The following PAX5 variants were observed in gnomAD, a reference collection of about 807,000 sequenced individuals.
PAX5 encodes the protein paired box 5, also known as paired box protein Pax-5.
In PAX5, 9 loss-of-function variants were observed where a neutral mutation model predicts 43.7. The ratio of observed to expected loss-of-function variants is 0.21; its 90% CI spans 0.12 to 0.36. PAX5 has a LOEUF of 0.36. Ranked by LOEUF, PAX5 falls within the 10% of genes least tolerant of loss-of-function variation. PAX5 has a pLI of 1.00. For missense variants in PAX5, 383 were observed against 532.7 expected, an observed-to-expected ratio of 0.72 and a Z score of 2.77; for synonymous variants, 228 against 214.3, an observed-to-expected ratio of 1.06 and a Z score of -0.56.
chr9:36,920,348 C>T (rs1351229939), intron 7 of PAX5, among the ~76,000 whole-genome samples: 2 of 152,118 alleles, frequency 1.3e-5, no homozygotes, highest in African/African-American at 4.8e-5. Context: ...ATTGATGCAG[C>T]AAACTTCATC....
chr9:36,873,366 A>C (rs1056867746), intron 8 of PAX5, among the ~76,000 whole-genome samples: 1 of 152,252 alleles, frequency 6.6e-6, no homozygotes, highest in African/African-American at 2.4e-5. Context: ...AGAATGAATG[A>C]ATGAACAAGT....
intron 6 of PAX5, among the ~76,000 whole-genome samples, chr9:36,928,476 G>C (rs181724024): frequency 2.0e-5 from 3 of 152,326 alleles, no homozygotes; most frequent in African/African-American, 4.8e-5. Flanking sequence ...ACCATGTAGA[G>C]TGGCTGTTTG....
chr9:36,979,055 C>T (rs1354600630), intron 5 of PAX5, among the ~76,000 whole-genome samples: 2 of 152,214 alleles, frequency 1.3e-5, no homozygotes, highest in East Asian at 3.8e-4. Flanking sequence ...TCCACTGTCT[C>T]TGATAGAATT....
intron 4 of PAX5, among the ~76,000 whole-genome samples, chr9:37,006,263 T>C (rs1838380465): frequency 6.6e-6 from 1 of 152,188 alleles, no homozygotes; most frequent in Non-Finnish European, 1.5e-5. Context: ...AAGCTATTTA[T>C]CATAATAATC....
chr9:36,893,687 CAG>C (rs1375280605), intron 7 of PAX5, among the ~76,000 whole-genome samples: 1 of 152,182 alleles, frequency 6.6e-6, no homozygotes, highest in Non-Finnish European at 1.5e-5. Flanking sequence ...GCAGCAAGGA[CAG>C]AGACAGGAAA....
At chr9:36,905,717 A>G (rs892564501) in intron 7 of PAX5, among the ~76,000 whole-genome samples, 1 of 151,902 alleles carries the variant, frequency 6.6e-6, no homozygotes, top group African/African-American at 2.4e-5. Context: ...TAGGAGAGGG[A>G]AAAAAAAGAC....
intron 7 of PAX5, among the ~76,000 whole-genome samples, chr9:36,915,022 GT>G (rs1408703600): frequency 1.3e-5 from 2 of 152,130 alleles, no homozygotes; most frequent in African/African-American, 4.8e-5. Context: ...GTATTTTATT[GT>G]GTGCAAGAGA....
At chr9:36,916,057 G>A (rs1347524798) in intron 7 of PAX5, among the ~76,000 whole-genome samples, 1 of 144,654 alleles carries the variant, frequency 6.9e-6, no homozygotes, top group Non-Finnish European at 1.5e-5. Context: ...AAGTGAGATT[G>A]AAAAAAAAAA....
intron 4 of PAX5, among the ~76,000 whole-genome samples, chr9:37,003,169 A>AAC (rs1315144380): frequency 2.7e-5 from 4 of 149,356 alleles, no homozygotes; most frequent in African/African-American, 9.8e-5. Context: ...AAAAAAAAAA[A>AAC]AAAAAAAAAA....
intron 7 of PAX5, among the ~76,000 whole-genome samples, chr9:36,909,965 G>T (rs1026064762): frequency 6.6e-6 from 1 of 151,874 alleles, no homozygotes; most frequent in Admixed American, 6.6e-5. Context: ...GGGACTATGG[G>T]CACGCACCAC....
chr9:36,963,666 T>C (rs1173898929), intron 6 of PAX5, among the ~76,000 whole-genome samples: 1 of 152,202 alleles, frequency 6.6e-6, no homozygotes, highest in South Asian at 2.1e-4. Context: ...GGATGAGGTC[T>C]TGCAGGCTGC....
At chr9:36,951,760 T>G (rs1028865099) in intron 6 of PAX5, among the ~76,000 whole-genome samples, 1 of 152,222 alleles carries the variant, frequency 6.6e-6, no homozygotes, top group African/African-American at 2.4e-5. Flanking sequence ...TTAATTTACC[T>G]TTCTTCTCCC....
At chr9:36,859,892 A>C (rs923743169) in intron 8 of PAX5, among the ~76,000 whole-genome samples, 1 of 151,998 alleles carries the variant, frequency 6.6e-6, no homozygotes, top group Non-Finnish European at 1.5e-5. Context: ...AAAATTAGCC[A>C]GGCATGGTGG....
chr9:36,943,364 C>T (rs1041388512), intron 6 of PAX5, among the ~76,000 whole-genome samples: 1 of 152,280 alleles, frequency 6.6e-6, no homozygotes, highest in South Asian at 2.1e-4. Flanking sequence ...TTTCCTATTC[C>T]TCATTTCAAA....
intron 5 of PAX5, among the ~76,000 whole-genome samples, chr9:36,969,857 C>G (rs1834789607): frequency 6.6e-6 from 1 of 152,234 alleles, no homozygotes; most frequent in South Asian, 2.1e-4. Flanking sequence ...ACCAGCACCT[C>G]GCTTGCTTTC....
intron 6 of PAX5, among the ~76,000 whole-genome samples, chr9:36,938,949 C>T (rs751189838): frequency 2.0e-5 from 3 of 152,192 alleles, no homozygotes; most frequent in Non-Finnish European, 4.4e-5. Flanking sequence ...AGATTAGCCT[C>T]GAGAAGGAAG....
intron 6 of PAX5, among the ~76,000 whole-genome samples, chr9:36,929,491 C>G (rs1263620059): frequency 6.6e-6 from 1 of 152,194 alleles, no homozygotes; most frequent in Non-Finnish European, 1.5e-5. Flanking sequence ...ACATTGCCCC[C>G]GCCAACCCCA....
At chr9:36,968,229 C>G (rs1358713698) in intron 5 of PAX5, among the ~76,000 whole-genome samples, 12 of 152,194 alleles carry the variant, frequency 7.9e-5, no homozygotes, top group Admixed American at 2.6e-4. Flanking sequence ...CTGACCCCTG[C>G]CCCCACCAGT....
intron 1 of PAX5, 64 bp downstream of exon 1, chr9:37,033,922 G>A (rs376303924): frequency 3.0e-5 from 45 of 1,505,824 alleles, no homozygotes; most frequent in Middle Eastern, 4.6e-4. Flanking sequence ...GTCACCCTGC[G>A]TGGGGACCAA....
Sources: gnomAD v4.1 joint callset for allele counts (sites outside exome capture counted in the v4.1 genomes callset) on GRCh38, gnomAD v4.1.1 for gene constraint, MANE v1.5 for transcripts, NCBI Gene and HGNC (gene_info 2026-07-23, HGNC 2026-07-21) for gene names.